PRDM1: variants seen among roughly 807,000 people sequenced by gnomAD.
PRDM1 encodes PR domain zinc finger protein 1.
Under a neutral mutation model 62.8 loss-of-function variants are expected in PRDM1, and 13 were observed. That is an observed-to-expected ratio of 0.21 (90% CI 0.13 to 0.33). The LOEUF is 0.33. Ranked by LOEUF, PRDM1 falls within the 10% of genes least tolerant of loss-of-function variation. The pLI is 1.00. For missense variants in PRDM1, 895 were observed against 1,058.8 expected (o/e 0.85, Z 2.15); for synonymous variants, 396 against 417.6 (o/e 0.95, Z 0.63).
chr6:106,105,000 C>T lies in PRDM1; in HGVS notation c.840C>T (p.Leu280=), dbSNP rs1254516150. The change falls in exon 5 of 7, where the codon CTC becomes CTT. Residue 280 remains leucine (L), a synonymous_variant. Coordinates refer to ENST00000369096, the MANE Select transcript of PRDM1 (RefSeq NM_001198.4). ...NISPLTSEKD[L]DDFRRRGSPE... Reference sequence around the variant, plus strand: ...CACCCCTCACATCAGAAAAGGACCTCGATGACTTTAGAAGACGTGGGAGCC... The same window carrying T: ...CACCCCTCACATCAGAAAAGGACCTTGATGACTTTAGAAGACGTGGGAGCC... The T allele has an allele frequency of 2.5e-6, 4 of 1,614,012 alleles. No individual in the cohort carries two copies. The highest frequency in any genetic ancestry group is 4.5e-5 in the East Asian group (2 of 44,892).
chr6:106,018,977 T>A (rs1185903591), intron 1 of PRDM1, among the ~76,000 whole-genome samples: 3 of 152,042 alleles, frequency 2.0e-5, no homozygotes, highest in Non-Finnish European at 4.4e-5. Context: ...GGTTTTATAT[T>A]CTAAGAAGAG....
intron 1 of PRDM1, among the ~76,000 whole-genome samples, chr6:106,004,638 GA>G (rs1412144927): frequency 1.3e-5 from 2 of 150,944 alleles, no homozygotes; most frequent in Admixed American, 1.3e-4. Flanking sequence ...AATGGATTTT[GA>G]AACACAAAAT....
At chr6:106,085,063 C>T (rs1052892464), upstream of PRDM1, among the ~76,000 whole-genome samples, 2 of 152,108 alleles carry the variant, frequency 1.3e-5, no homozygotes, top group Non-Finnish European at 2.9e-5. Context: ...GATAAACAGA[C>T]ATATTTTTTA....
In PRDM1 at chr6:106,106,057, G is replaced by C; in HGVS notation, c.1773+124G>C. ...ATGAGCCCCCGGTTGGGGATAGTGG[G>C]TATGGATTCCGCCTGGCTTTTGCCA... On this transcript the variant is annotated intron_variant, in intron 5 of 6. Coordinates refer to ENST00000369096, the MANE Select transcript of PRDM1 (RefSeq NM_001198.4). This position sits in a 1 kb window ranked among gnomAD's most constrained non-coding sequence, Gnocchi z 4.4. 7.1e-7 allele frequency: 1 copy of C among 1,398,718 alleles called. No individual in the cohort carries two copies. The highest frequency in any genetic ancestry group is 2.7e-5 in the Admixed American group (1 of 36,452). 86.6% of individuals were successfully genotyped at this position (1,398,718 alleles called of 1,614,324 possible).
upstream of PRDM1, among the ~76,000 whole-genome samples, chr6:106,083,279 T>C (rs1393790156): frequency 6.6e-6 from 1 of 151,606 alleles, no homozygotes; most frequent in African/African-American, 2.4e-5. Flanking sequence ...TCTCTTGATG[T>C]GGTTAGCCTG....
chr6:106,015,564 A>G (rs1213211183), intron 1 of PRDM1, among the ~76,000 whole-genome samples: 1 of 125,834 alleles, frequency 7.9e-6, no homozygotes, highest in Non-Finnish European at 1.6e-5. Flanking sequence ...AGCAGTAACA[A>G]TGGTCTCTGG....
chr6:106,059,328 T>C (rs189898440), intron 1 of PRDM1, among the ~76,000 whole-genome samples: 43 of 152,240 alleles, frequency 2.8e-4, no homozygotes, highest in Admixed American at 2.7e-3. Flanking sequence ...GGCATTTGAG[T>C]AGAGACTAAT....
chr6:106,064,382 C>A (rs1408247807), intron 1 of PRDM1, among the ~76,000 whole-genome samples: 1 of 152,206 alleles, frequency 6.6e-6, no homozygotes, highest in Non-Finnish European at 1.5e-5. Context: ...GATGCTTAGC[C>A]AGCGGGGAAA....
At chr6:106,014,441 C>CAAA (rs10625805) in intron 1 of PRDM1, among the ~76,000 whole-genome samples, 8,657 of 147,342 alleles carry the variant, frequency 0.059, 297 homozygotes, top group Non-Finnish European at 0.075. Flanking sequence ...AAGAAATGTT[C>CAAA]AAAAAAAAAA....
At chr6:106,052,399 C>T (rs763305400) in intron 1 of PRDM1, among the ~76,000 whole-genome samples, 1 of 151,946 alleles carries the variant, frequency 6.6e-6, no homozygotes, top group Admixed American at 6.6e-5. Flanking sequence ...AAGGTATGGT[C>T]GTCTTGAATT....
intron 1 of PRDM1, among the ~76,000 whole-genome samples, chr6:106,056,187 G>A (rs963510040): frequency 1.3e-5 from 2 of 152,052 alleles, no homozygotes; most frequent in Admixed American, 6.5e-5. Context: ...AGTCTTTGTG[G>A]TATAGCCCAG....
At chr6:106,000,140 C>T (rs550321370) in intron 1 of PRDM1, among the ~76,000 whole-genome samples, 34 of 152,316 alleles carry the variant, frequency 2.2e-4, no homozygotes, top group East Asian at 7.7e-4. Context: ...TGAGCCACCG[C>T]GCCTGGCATT....
At chr6:105,996,581 A>G (rs1229797651) in intron 1 of PRDM1, among the ~76,000 whole-genome samples, 3 of 152,162 alleles carry the variant, frequency 2.0e-5, no homozygotes, top group African/African-American at 7.2e-5. Flanking sequence ...AACATCTTAT[A>G]GTTTGGACTG....
At chr6:106,074,747 G>T (rs1434657525) in intron 1 of PRDM1, among the ~76,000 whole-genome samples, 1 of 152,170 alleles carries the variant, frequency 6.6e-6, no homozygotes, top group Non-Finnish European at 1.5e-5. Flanking sequence ...GGCCAAGGCG[G>T]GCGGATCGCT....
chr6:106,014,769 A>G (rs1373574944), intron 1 of PRDM1, among the ~76,000 whole-genome samples: 1 of 151,942 alleles, frequency 6.6e-6, no homozygotes, highest in Admixed American at 6.6e-5. Context: ...TTTTTATAGA[A>G]CCTTAAAAGG....
intron 1 of PRDM1, among the ~76,000 whole-genome samples, chr6:106,065,227 G>T (rs930819470): frequency 1.3e-5 from 2 of 151,994 alleles, no homozygotes; most frequent in African/African-American, 4.8e-5. Flanking sequence ...CAAACCCCTG[G>T]GCTCAAGCAA....
chr6:106,104,161 A>G (rs1774360087), intron 4 of PRDM1, among the ~76,000 whole-genome samples: 1 of 151,964 alleles, frequency 6.6e-6, no homozygotes, highest in African/African-American at 2.4e-5. Context: ...TTAACCTATG[A>G]CAGGGTCCCC....
At chr6:106,014,298 A>T (rs1375460443) in intron 1 of PRDM1, among the ~76,000 whole-genome samples, 1 of 151,698 alleles carries the variant, frequency 6.6e-6, no homozygotes, top group Non-Finnish European at 1.5e-5. Flanking sequence ...GGGCTCAAGT[A>T]ATCCGCCCGC....
chr6:106,006,390 C>G (rs1772483522), intron 1 of PRDM1, among the ~76,000 whole-genome samples: 1 of 148,336 alleles, frequency 6.7e-6, no homozygotes, highest in Admixed American at 6.7e-5. Flanking sequence ...TCCACAGACC[C>G]CTATCTAATG....
Sources: allele counts gnomAD v4.1 joint callset (sites outside exome capture counted in the v4.1 genomes callset), GRCh38; gene constraint gnomAD v4.1.1; non-coding constraint Gnocchi (gnomAD v3.1); transcripts MANE v1.5; gene names NCBI Gene and HGNC (gene_info 2026-07-23, HGNC 2026-07-21).